BCHE: variants seen among roughly 807,000 people sequenced by gnomAD.
BCHE encodes cholinesterase.
BCHE carries 48 observed loss-of-function variants against 51.3 expected under a neutral mutation model. The ratio of observed to expected loss-of-function variants is 0.94; its 90% CI spans 0.74 to 1.19. The LOEUF is 1.19. Among genes scored for constraint, BCHE ranks in the 50% most tolerant of loss-of-function variants. The pLI is 0.00. For missense variants in BCHE, 847 were observed against 708.2 expected, an observed-to-expected ratio of 1.20 and a Z score of -2.23; for synonymous variants, 251 against 238.0, an observed-to-expected ratio of 1.05 and a Z score of -0.50.
intron 3 of BCHE, chr3:165,778,606 T>C (rs1450915946): frequency 2.4e-6 from 1 of 424,682 alleles, no homozygotes; most frequent in Admixed American, 2.4e-5. Context: ...GCAGGTATCT[T>C]CTCTTCTTAA....
At chr3:165,820,907 G>A (rs1476078288) in intron 2 of BCHE, among the ~76,000 whole-genome samples, 1 of 151,946 alleles carries the variant, frequency 6.6e-6, no homozygotes, top group East Asian at 1.9e-4. Context: ...AAGAATTCAT[G>A]GTGAAGGCAG....
intron 2 of BCHE, among the ~76,000 whole-genome samples, chr3:165,806,138 T>TA (rs201672026): frequency 2.0e-3 from 300 of 148,202 alleles, no homozygotes; most frequent in African/African-American, 6.9e-3. Flanking sequence ...CCCCTCACAT[T>TA]AAAAAAAAAA....
intron 2 of BCHE, among the ~76,000 whole-genome samples, chr3:165,814,547 C>T (rs1215221771): frequency 6.6e-6 from 1 of 152,082 alleles, no homozygotes; most frequent in Non-Finnish European, 1.5e-5. Flanking sequence ...CCCTGCCTAG[C>T]CAAGGGCCAA....
In BCHE at chr3:165,773,105, T is replaced by G; in HGVS notation, c.*277A>C. The G allele has an allele frequency of 3.7e-6, 1 of 270,390 alleles. No homozygotes were observed. Among genetic ancestry groups the G allele is most frequent in the Non-Finnish European group, 7.0e-6 (1 of 143,638 alleles). The allele number at this position is 270,390 out of a possible 1,614,324, so 16.7% of individuals were successfully genotyped here. On this transcript the variant is annotated 3_prime_UTR_variant, in exon 4 of 4. Coordinates refer to ENST00000264381, the MANE Select transcript of BCHE (RefSeq NM_000055.4). ...TTTGGGGGGAAAAACTTAAATTTATTAAGGAAAGAAAGAAATTGAACCAGG... is the reference window on the plus strand; with the variant it reads ...TTTGGGGGGAAAAACTTAAATTTATGAAGGAAAGAAAGAAATTGAACCAGG...
intron 2 of BCHE, among the ~76,000 whole-genome samples, chr3:165,821,666 G>A (rs957877693): frequency 1.3e-5 from 2 of 151,844 alleles, no homozygotes; most frequent in Non-Finnish European, 2.9e-5. Context: ...CCTTCCTTCA[G>A]TGTGGGTGTG....
At position 165,829,508 on chromosome 3, in the gene BCHE, A is replaced by G. The variant is rs757359923; in HGVS notation, c.1517+9T>C. On this transcript the variant is annotated intron_variant, in intron 2 of 3. Transcript: ENST00000264381. ...AAGCCAGAGAACAATGACAAAAATC[A>G]GCACTTACCCATATTTTGCAAAATT... The G allele has an allele frequency of 1.9e-6, 3 of 1,606,962 alleles. No homozygotes were observed. The highest frequency in any genetic ancestry group is 1.1e-5 in the South Asian group (1 of 90,906).
intron 2 of BCHE, chr3:165,827,898 A>G (rs948699510): frequency 2.9e-6 from 1 of 345,450 alleles, no homozygotes; most frequent in Non-Finnish European, 5.7e-6. Context: ...CATATCTTGA[A>G]AAGGCAATAT....
chr3:165,809,268 A>G (rs1229287038), intron 2 of BCHE, among the ~76,000 whole-genome samples: 1 of 152,182 alleles, frequency 6.6e-6, no homozygotes, highest in African/African-American at 2.4e-5. Context: ...TTAAGCCAAT[A>G]TAAGCAAACG....
intron 2 of BCHE, among the ~76,000 whole-genome samples, chr3:165,819,881 AAGCATTACATCTGTG>A (rs1167254233): frequency 6.6e-6 from 1 of 152,124 alleles, no homozygotes; most frequent in Non-Finnish European, 1.5e-5. Flanking sequence ...AGGTCTTTTG[AAGCATTACATCTGTG>A]TGTACATTCC....
At position 165,780,005 on chromosome 3, in the gene BCHE, C is replaced by G. The variant is rs1712627103; in HGVS notation, c.1684+6140G>C. 2.0e-5 allele frequency among the ~76,000 whole-genome samples: 3 copies of G among 152,154 alleles called. No individual in the cohort carries two copies. The South Asian group carries it at 6.2e-4, about 31-fold the overall frequency. On this transcript the variant is annotated intron_variant, in intron 3 of 3. Coordinates refer to ENST00000264381, the MANE Select transcript of BCHE (RefSeq NM_000055.4). ...CTGTAGGTATCATGCTACCTGACTT[C>G]AAACTATACTACAAGGCTATAGTAA...
chr3:165,784,710 G>A (rs138852153), intron 3 of BCHE, among the ~76,000 whole-genome samples: 54 of 151,732 alleles, frequency 3.6e-4, no homozygotes, highest in African/African-American at 1.3e-3. Context: ...TTGTATCATC[G>A]CATAAATTGC....
chr3:165,808,477 A>C (rs986312058), intron 2 of BCHE, among the ~76,000 whole-genome samples: 3 of 152,116 alleles, frequency 2.0e-5, no homozygotes, highest in African/African-American at 7.2e-5. Flanking sequence ...GTAGCTGTTG[A>C]TATGTTTAAT....
At chr3:165,806,790 A>G in intron 2 of BCHE, among the ~76,000 whole-genome samples, 1 of 152,146 alleles carries the variant, frequency 6.6e-6, no homozygotes, top group East Asian at 1.9e-4. Flanking sequence ...TCATAAATGA[A>G]GTATTATTCT....
intron 2 of BCHE, among the ~76,000 whole-genome samples, chr3:165,809,245 T>C (rs756893249): frequency 2.9e-4 from 44 of 152,130 alleles, no homozygotes; most frequent in Non-Finnish European, 4.7e-4. Context: ...CTTGAGGGAT[T>C]GGATGGACAA....
chr3:165,817,534 C>A (rs1448069431), intron 2 of BCHE, among the ~76,000 whole-genome samples: 1 of 152,028 alleles, frequency 6.6e-6, no homozygotes, highest in Non-Finnish European at 1.5e-5. Flanking sequence ...GCCGCACTAT[C>A]TTTCTTGCTG....
chr3:165,794,110 TAAC>T (rs1713275582), intron 2 of BCHE, among the ~76,000 whole-genome samples: 2 of 152,084 alleles, frequency 1.3e-5, no homozygotes, highest in African/African-American at 4.8e-5. Context: ...TATTTATTCT[TAAC>T]TATATACCCA....
At chr3:165,807,400 T>C (rs774572898) in intron 2 of BCHE, among the ~76,000 whole-genome samples, 3 of 152,082 alleles carry the variant, frequency 2.0e-5, no homozygotes, top group African/African-American at 4.8e-5. Flanking sequence ...AATACAATAA[T>C]ACTTTAATAT....
intron 3 of BCHE, among the ~76,000 whole-genome samples, chr3:165,784,932 C>T (rs1362889133): frequency 6.6e-6 from 1 of 151,678 alleles, no homozygotes; most frequent in African/African-American, 2.4e-5. Flanking sequence ...TCGTTATTTA[C>T]ACCCGGAGGA....
intron 2 of BCHE, among the ~76,000 whole-genome samples, chr3:165,790,601 C>T (rs1256690714): frequency 1.3e-5 from 2 of 152,006 alleles, no homozygotes; most frequent in Non-Finnish European, 2.9e-5. Context: ...CCATAAGGAC[C>T]CTAAACTTAC....
Sources: allele counts gnomAD v4.1 joint callset (sites outside exome capture counted in the v4.1 genomes callset), GRCh38; gene constraint gnomAD v4.1.1; transcripts MANE v1.5; gene names NCBI Gene and HGNC (gene_info 2026-07-23, HGNC 2026-07-21).